The following PHF3 variants were observed in gnomAD, a reference collection of about 807,000 sequenced individuals.
PHF3 encodes the protein PHD finger protein 3.
In PHF3, 41 loss-of-function variants were observed where a neutral mutation model predicts 178.4. That is an observed-to-expected ratio of 0.23 (90% confidence interval 0.18 to 0.30). The LOEUF (loss-of-function observed/expected upper bound fraction) is 0.30, where lower values mean the gene tolerates loss of function less well. Among genes scored for constraint, PHF3 ranks in the 10% least tolerant of loss-of-function variants. The probability of loss-of-function intolerance (pLI) is 1.00; values close to 1 mark genes in which losing one functional copy is unlikely to be tolerated. For synonymous variants in PHF3, 842 were observed against 800.5 expected (o/e 1.05, Z -0.88); for missense variants, 2,346 against 2,398.1 (o/e 0.98, Z 0.45).
chr6:63,698,056 C>G (rs1767309132), intron 6 of PHF3, among the ~76,000 whole-genome samples, 167 bp from the exon 7 acceptor site: 1 of 152,134 alleles, frequency 6.6e-6, no homozygotes, highest in Non-Finnish European at 1.5e-5. Context: ...AGTCACTATT[C>G]ATTTTAATTA....
At position 63,685,557 on chromosome 6, in the gene PHF3, A is replaced by T. The variant is rs1224306794; in HGVS notation, c.1835A>T (p.His612Leu). 2 of 1,614,102 alleles carry T rather than the reference A, an allele frequency of 1.2e-6. No individual in the cohort carries two copies. The highest frequency in any genetic ancestry group is 1.7e-6 in the Non-Finnish European group (2 of 1,179,998). The change falls in exon 4 of 16, where the codon CAT becomes CTT. Residue 612 changes from histidine (H) to leucine (L), a missense_variant. This residue lies in a region of PHF3 where 843 missense variants were observed against 795.2 expected (regional missense o/e 1.06). Coordinates refer to ENST00000262043, the MANE Select transcript of PHF3 (RefSeq NM_001370348.2). ...CCTGGTTGCTTGAAAGAACCTCATCATCCTGCACAAACTGGACATGTATCA... is the reference window on the plus strand; with the variant it reads ...CCTGGTTGCTTGAAAGAACCTCATCTTCCTGCACAAACTGGACATGTATCA... Reference protein sequence around the residue: ...AHPGCLKEPHHPAQTGHVSHS... With the variant: ...AHPGCLKEPHLPAQTGHVSHS...
intron 4 of PHF3, among the ~76,000 whole-genome samples, chr6:63,688,721 C>T (rs1348449550): frequency 6.6e-6 from 1 of 152,150 alleles, no homozygotes; most frequent in Non-Finnish European, 1.5e-5. Flanking sequence ...ATTTCGTTTA[C>T]TCAGAAAATG....
At chr6:63,653,484 C>G (rs535872580) in intron 2 of PHF3, among the ~76,000 whole-genome samples, 41 of 151,718 alleles carry the variant, frequency 2.7e-4, no homozygotes, top group African/African-American at 9.4e-4. Context: ...ATTTTTTTCC[C>G]CACTAGTTTA....
chr6:63,691,611 G>A, intron 4 of PHF3, 126 bp from the exon 5 acceptor site: 1 of 781,266 alleles, frequency 1.3e-6, no homozygotes, highest in Non-Finnish European at 2.1e-6. Context: ...TTATGGAACG[G>A]ATAGAGATGG....
At chr6:63,700,509 G>GT in intron 9 of PHF3, 43 bp downstream of exon 9, 1 of 1,080,676 alleles carries the variant, frequency 9.3e-7, no homozygotes, top group South Asian at 1.3e-5. Flanking sequence ...CAAAATCTAT[G>GT]TTTTTCAGCC....
rs141522162 is a variant in PHF3 at position 63,713,060 on chromosome 6, C to G, written c.5472C>G (p.Pro1824=). ...GFPFPGPPNF[P]PQSMFGFPPH... ...CATTTCCAGGGCCTCCTAATTTTCC[C>G]CCACAAAGCATGTTTGGATTTCCAC... The change falls in exon 16 of 16, where the codon CCC becomes CCG. Residue 1824 remains proline (P), a synonymous_variant. Coordinates refer to ENST00000262043, the MANE Select transcript of PHF3 (RefSeq NM_001370348.2). 25 of 1,613,900 alleles carry G rather than the reference C, an allele frequency of 1.5e-5. No individual in the cohort carries two copies. In the African/African-American group the frequency reaches 3.2e-4, roughly 21 times the overall value.
At chr6:63,659,597 A>G (rs1452579789) in intron 2 of PHF3, among the ~76,000 whole-genome samples, 2 of 152,224 alleles carry the variant, frequency 1.3e-5, no homozygotes, top group Non-Finnish European at 2.9e-5. Context: ...TGTAGATACT[A>G]CAGGTTGAGT....
chr6:63,722,031 C>G lies in PHF3; in HGVS notation c.*8323C>G, dbSNP rs1478298089. Among the ~76,000 whole-genome samples the G allele has an allele frequency of 1.3e-5, 2 of 152,132 alleles. No homozygotes were observed. Among genetic ancestry groups the G allele is most frequent in the Non-Finnish European group, 2.9e-5 (2 of 68,018 alleles). ...ATTTTCTCTAGTTGTGGACAGTTCT[C>G]ATTGAATGAATATATTGTGGTAGTA... On this transcript the variant is annotated 3_prime_UTR_variant, in exon 16 of 16. Transcript: ENST00000262043.
intron 1 of PHF3, chr6:63,636,881 G>C (rs1281198747): frequency 6.6e-6 from 1 of 152,176 alleles, no homozygotes; most frequent in African/African-American, 2.4e-5. Context: ...GGGCGGTGCG[G>C]AGAGTAGAAA....
rs892909012 is a variant in PHF3 at position 63,717,908 on chromosome 6, C to T, written c.*4200C>T. Among the ~76,000 whole-genome samples the T allele has an allele frequency of 2.0e-5, 3 of 151,740 alleles. No homozygotes were observed. The highest frequency in any genetic ancestry group is 7.3e-5 in the African/African-American group (3 of 41,330). ...TGCACCTTATTTTTAAAAAATGTTC[C>T]GTTTACATTCAACACTTTGAGAAAC... On this transcript the variant is annotated 3_prime_UTR_variant, in exon 16 of 16. Transcript: ENST00000262043.
At chr6:63,656,232 A>G (rs937716192) in intron 2 of PHF3, among the ~76,000 whole-genome samples, 6 of 152,230 alleles carry the variant, frequency 3.9e-5, no homozygotes, top group South Asian at 2.1e-4. Context: ...ATAGCTTGAC[A>G]TAATATAAAA....
chr6:63,719,385 A>G lies in PHF3; in HGVS notation c.*5677A>G, dbSNP rs1768287429. ...TAATTTCATATTTTTCCTTTTGAACATTACATGCTGCTTATTACTAAGATT... is the reference window on the plus strand; with the variant it reads ...TAATTTCATATTTTTCCTTTTGAACGTTACATGCTGCTTATTACTAAGATT... On this transcript the variant is annotated 3_prime_UTR_variant, in exon 16 of 16. Coordinates refer to ENST00000262043, the MANE Select transcript of PHF3 (RefSeq NM_001370348.2). Among the ~76,000 whole-genome samples the G allele has an allele frequency of 6.6e-6, 1 of 151,988 alleles. No homozygotes were observed. The highest frequency in any genetic ancestry group is 2.4e-5 in the African/African-American group (1 of 41,378).
chr6:63,689,892 T>C (rs1766921421), intron 4 of PHF3, among the ~76,000 whole-genome samples: 1 of 152,198 alleles, frequency 6.6e-6, no homozygotes, highest in African/African-American at 2.4e-5. Flanking sequence ...TGAAGAAATC[T>C]TAATATACCT....
At chr6:63,641,528 A>ATGTGTGTGTGTGTGTG (rs201250434) in intron 1 of PHF3, among the ~76,000 whole-genome samples, 2 of 140,568 alleles carry the variant, frequency 1.4e-5, no homozygotes, top group African/African-American at 5.2e-5. Flanking sequence ...TTAGGTGTGT[A>ATGTGTGTGTGTGTGTG]TGTGTGTGTG....
chr6:63,656,791 C>G (rs1765253747), intron 2 of PHF3, among the ~76,000 whole-genome samples: 1 of 152,124 alleles, frequency 6.6e-6, no homozygotes, highest in Non-Finnish European at 1.5e-5. Context: ...TACATAGAAT[C>G]CAAAGTTGAA....
At chr6:63,681,485 C>CTTT in intron 3 of PHF3, among the ~76,000 whole-genome samples, 1 of 151,872 alleles carries the variant, frequency 6.6e-6, no homozygotes, top group East Asian at 1.9e-4. Context: ...CTTTATTTTG[C>CTTT]CTACTTCCTA....
rs1424936303 is a variant in PHF3 at position 63,684,248 on chromosome 6, C to T, written c.526C>T (p.Pro176Ser). ...VSTAKAGVKQ[P>S]ERSQVKEEVC... ...TACTGCTAAAGCAGGAGTGAAACAA[C>T]CAGAAAGGAGTCAGGTTAAAGAAGA... is the stretch of plus-strand genomic sequence containing the variant. Residue 176 changes from proline to serine, a missense_variant, in exon 4 of 16, where the codon CCA (proline) becomes TCA (serine). Physicochemically the swap from Pro to Ser is moderately conservative, Grantham distance 74. This residue lies in a region of PHF3 where 843 missense variants were observed against 795.2 expected (regional missense o/e 1.06). Transcript: ENST00000262043. 69 of 1,613,802 alleles carry T rather than the reference C, an allele frequency of 4.3e-5. No individual in the cohort carries two copies. Among genetic ancestry groups the T allele is most frequent in the Non-Finnish European group, 5.8e-5 (69 of 1,179,840 alleles).
Position 63,715,680 on chromosome 6 carries a change from T to C in PHF3, c.*1972T>C, listed in dbSNP as rs1342796868. 6.6e-6 allele frequency among the ~76,000 whole-genome samples: 1 copy of C among 152,158 alleles called. No homozygotes were observed. The highest frequency in any genetic ancestry group is 2.1e-4 in the South Asian group (1 of 4,832). ...GTTTTTAAAATAGGCAAGGCCCATA[T>C]AGCTTTCTATTAGGGATGAGCATCT... On this transcript the variant is annotated 3_prime_UTR_variant, in exon 16 of 16. Transcript: ENST00000262043.
At chr6:63,697,282 G>A (rs894130116) in intron 6 of PHF3, among the ~76,000 whole-genome samples, 6 of 152,120 alleles carry the variant, frequency 3.9e-5, no homozygotes, top group South Asian at 2.1e-4. Context: ...ATAGTTGACA[G>A]TTTTTCCATT....
Sources: gnomAD v4.1 joint callset for allele counts (sites outside exome capture counted in the v4.1 genomes callset) on GRCh38, gnomAD v4.1.1 for gene constraint, gnomAD v4.1.1 regional missense constraint, MANE v1.5 for transcripts, NCBI Gene and HGNC (gene_info 2026-07-23, HGNC 2026-07-21) for gene names.